HOXD3: variants seen among roughly 807,000 people sequenced by gnomAD.
HOXD3 encodes homeobox D3, also known as homeobox protein Hox-D3.
Under a neutral mutation model 32.8 loss-of-function variants are expected in HOXD3, and 13 were observed. The observed-to-expected ratio is 0.40, with a 90% CI of 0.26 to 0.63. The LOEUF (loss-of-function observed/expected upper bound fraction) is 0.63, where lower values mean the gene tolerates loss of function less well. Among genes scored for constraint, HOXD3 ranks in the 20% least tolerant of loss-of-function variants. The pLI is 0.44. For synonymous variants in HOXD3, 241 were observed against 246.8 expected (o/e 0.98, Z 0.22); for missense variants, 504 against 577.1 (o/e 0.87, Z 1.30).
chr2:176,159,002 A>G (rs1236235170), intron 1 of HOXD3, among the ~76,000 whole-genome samples: 2 of 152,122 alleles, frequency 1.3e-5, no homozygotes, highest in Non-Finnish European at 2.9e-5. Flanking sequence ...TTGGTGTGAT[A>G]AATCATCGTA....
chr2:176,155,000 T>C (rs1690615720), upstream of HOXD3, among the ~76,000 whole-genome samples: 1 of 152,216 alleles, frequency 6.6e-6, no homozygotes, highest in African/African-American at 2.4e-5. Flanking sequence ...AATTTTCTAT[T>C]TGATTAGCTG....
intron 1 of HOXD3, among the ~76,000 whole-genome samples, chr2:176,161,341 C>T (rs1202213885): frequency 6.6e-6 from 1 of 151,976 alleles, no homozygotes; most frequent in Non-Finnish European, 1.5e-5. Context: ...GGAGGGTGGC[C>T]GGCAGCATTG....
At chr2:176,161,505 T>C (rs893556662) in intron 1 of HOXD3, among the ~76,000 whole-genome samples, 1 of 152,208 alleles carries the variant, frequency 6.6e-6, no homozygotes, top group Non-Finnish European at 1.5e-5. Flanking sequence ...GAGCGTCATA[T>C]TAATTCTGTG....
intron 1 of HOXD3, among the ~76,000 whole-genome samples, chr2:176,158,934 G>A (rs1433000945): frequency 6.6e-6 from 1 of 151,476 alleles, no homozygotes; most frequent in African/African-American, 2.4e-5. Context: ...AGCCTCCCAA[G>A]GCCCCGGCTT....
chr2:176,164,753 C>G (rs1346726148), intron 2 of HOXD3: 3 of 152,238 alleles, frequency 2.0e-5, no homozygotes, highest in African/African-American at 4.8e-5. Context: ...CGCCTTCCCC[C>G]TCTCTTTCAA....
intron 1 of HOXD3, among the ~76,000 whole-genome samples, chr2:176,160,722 G>A (rs1048315463): frequency 6.6e-6 from 1 of 152,082 alleles, no homozygotes; most frequent in African/African-American, 2.4e-5. Context: ...CAAATCCCAA[G>A]CTCTGGGGGG....
intron 3 of HOXD3, 34 bp downstream of exon 3, chr2:176,169,689 GC>G (rs1290298151): frequency 6.5e-7 from 1 of 1,544,444 alleles, no homozygotes; most frequent in African/African-American, 1.4e-5. Flanking sequence ...GCCAGACCAA[GC>G]CCCCTCCAGA....
Position 176,170,903 on chromosome 2 carries a change from TTTTG to T in HOXD3, c.542-601_542-598del, listed in dbSNP as rs1553522775. Among the ~76,000 whole-genome samples the T allele has an allele frequency of 2.0e-5, 3 of 151,314 alleles. No homozygotes were observed. The East Asian group carries it at 5.8e-4, about 29-fold the overall frequency. ...CCTAAAATACCCAGGCAGTGTTTTT[TTTTG>T]TTTGTTTGTTTGGTTGGTTTTTTTT... On this transcript the variant is annotated intron_variant, in intron 3 of 3. Transcript: ENST00000683222.
intron 1 of HOXD3, among the ~76,000 whole-genome samples, chr2:176,160,030 G>A (rs975079221): frequency 6.6e-6 from 1 of 152,248 alleles, no homozygotes; most frequent in Non-Finnish European, 1.5e-5. Context: ...CGGTGACTCG[G>A]CTGCTGAGTC....
Position 176,169,136 on chromosome 2 carries a change from C to T in HOXD3, c.22C>T (p.Gln8Ter), listed in dbSNP as rs1341875337. 3 of 1,611,646 alleles carry T rather than the reference C, an allele frequency of 1.9e-6. No homozygotes were observed. The highest frequency in any genetic ancestry group is 4.5e-5 in the East Asian group (2 of 44,858). MLFEQGQ[Q>*]ALELPECTMQ... ...GTCAATGTTATTTGAGCAGGGTCAG[C>T]AGGCCCTGGAGCTTCCTGAGTGCAC... The change falls in exon 3 of 4, where the codon CAG becomes TAG. Residue 8 changes from glutamine to a stop codon, truncating the protein, a stop_gained. Coordinates refer to ENST00000683222, the MANE Select transcript of HOXD3 (RefSeq NM_006898.5). LOFTEE classifies it high-confidence loss of function.
chr2:176,152,712 A>G (rs779776828), upstream of HOXD3: 1 of 1,614,176 alleles, frequency 6.2e-7, no homozygotes, highest in Admixed American at 1.7e-5. The surrounding 1 kb of genome is among the most constrained non-coding windows in gnomAD (Gnocchi z 5.2). Flanking sequence ...CAGGTATCTG[A>G]CAAGGCGCCG....
At chr2:176,159,214 T>C (rs1690722253) in intron 1 of HOXD3, among the ~76,000 whole-genome samples, 1 of 145,272 alleles carries the variant, frequency 6.9e-6, no homozygotes, top group African/African-American at 2.6e-5. Context: ...GGCAAGAGGC[T>C]AGGGGGCGGG....
rs375362106 is a variant in HOXD3, at chr2:176,158,045, C to A, written c.-181+593C>A. 5.3e-5 allele frequency among the ~76,000 whole-genome samples: 8 copies of A among 152,334 alleles called. No homozygotes were observed. In the East Asian group the frequency reaches 1.2e-3, roughly 22 times the overall value. ...AATTTTACCCCAGGCAGGTTTTAACCAACAGATAATGATTTCCGAGTTGCC... is the reference window on the plus strand; with the variant it reads ...AATTTTACCCCAGGCAGGTTTTAACAAACAGATAATGATTTCCGAGTTGCC... On this transcript the variant is annotated intron_variant, in intron 1 of 3. Coordinates refer to ENST00000683222, the MANE Select transcript of HOXD3 (RefSeq NM_006898.5).
Position 176,169,777 on chromosome 2 carries a change from A to T in HOXD3, c.541+122A>T, listed in dbSNP as rs542310842. The T allele has an allele frequency of 2.2e-5, 28 of 1,260,854 alleles. No homozygotes were observed. The East Asian group carries it at 6.7e-4, about 30-fold the overall frequency. The allele number at this position is 1,260,854 out of a possible 1,614,324, so 78.1% of individuals were successfully genotyped here. A position where few individuals can be genotyped will look rare whatever the true frequency, so the allele number is the denominator to read the frequency against. On this transcript the variant is annotated intron_variant, in intron 3 of 3. Coordinates refer to ENST00000683222, the MANE Select transcript of HOXD3 (RefSeq NM_006898.5). The stretch of plus-strand genomic sequence containing the variant: ...TGTCTAAACTCCTACTCACGTCAAA[A>T]TGTTCTTTTTTTTAGTGTTCCTGAT...
rs373433353 is a variant in HOXD3 at position 176,171,600 on chromosome 2, T to C, written c.625T>C (p.Leu209=). The C allele has an allele frequency of 2.1e-5, 34 of 1,613,978 alleles. No individual in the cohort carries two copies. Among genetic ancestry groups the C allele is most frequent in the African/African-American group, 1.6e-4 (12 of 74,924 alleles). The change falls in exon 4 of 4, where the codon TTG becomes CTG. Residue 209 remains leucine (L), a synonymous_variant. Coordinates refer to ENST00000683222, the MANE Select transcript of HOXD3 (RefSeq NM_006898.5). Reference sequence around the variant, plus strand: ...ATACACGAGCGCGCAGCTGGTGGAATTGGAAAAGGAATTCCACTTCAACCG... The same window carrying C: ...ATACACGAGCGCGCAGCTGGTGGAACTGGAAAAGGAATTCCACTTCAACCG... ...TAYTSAQLVE[L]EKEFHFNRYL...
At chr2:176,171,350 T>C (rs1162323149) in intron 3 of HOXD3, among the ~76,000 whole-genome samples, 167 bp from the exon 4 acceptor site, 3 of 151,928 alleles carry the variant, frequency 2.0e-5, no homozygotes, top group Non-Finnish European at 4.4e-5. Flanking sequence ...GGTAGGTAGG[T>C]GAATTCCCCC....
chr2:176,154,470 G>A (rs563285420), upstream of HOXD3, among the ~76,000 whole-genome samples: 25 of 152,310 alleles, frequency 1.6e-4, no homozygotes, highest in Middle Eastern at 3.4e-3. Flanking sequence ...AGTGACCAAA[G>A]TGGGAAAGGG....
In HOXD3 at chr2:176,172,439, C is replaced by A. The variant is rs1227379329; in HGVS notation, c.*165C>A. The A allele has an allele frequency of 4.7e-6, 3 of 635,188 alleles. No individual in the cohort carries two copies. Among genetic ancestry groups the A allele is most frequent in the African/African-American group, 3.8e-5 (2 of 53,166 alleles). The allele number at this position is 635,188 out of a possible 1,614,324, so 39.3% of individuals were successfully genotyped here. ...AGCGGCGGAGGCGCAGGCGACCGGG[C>A]CTCCCCTCCATGGGCGTCCTTTGGG... On this transcript the variant is annotated 3_prime_UTR_variant, in exon 4 of 4. Transcript: ENST00000683222.
upstream of HOXD3, among the ~76,000 whole-genome samples, chr2:176,154,828 A>C (rs1487346710): frequency 1.3e-5 from 2 of 152,198 alleles, no homozygotes; most frequent in African/African-American, 4.8e-5. Context: ...GATATTAAAG[A>C]TGGATATTCG....
Sources: gnomAD v4.1 joint callset for allele counts (sites outside exome capture counted in the v4.1 genomes callset) on GRCh38, gnomAD v4.1.1 for gene constraint, Gnocchi (gnomAD v3.1) non-coding constraint, MANE v1.5 for transcripts, NCBI Gene and HGNC (gene_info 2026-07-23, HGNC 2026-07-21) for gene names.